CPM: variants seen among roughly 807,000 people sequenced by gnomAD.
CPM encodes carboxypeptidase M.
In CPM, 35 loss-of-function variants were observed where a neutral mutation model predicts 46.4. The ratio of observed to expected loss-of-function variants is 0.75; its 90% CI spans 0.58 to 1.00. The LOEUF is 1.00. CPM is among the 50% of genes least tolerant of loss of function. The pLI, the probability that CPM is intolerant of heterozygous loss-of-function variation, is 0.00. For missense variants in CPM, 422 were observed against 530.4 expected, an observed-to-expected ratio of 0.80 and a Z score of 2.01; for synonymous variants, 195 against 195.3, an observed-to-expected ratio of 1.00 and a Z score of 0.01.
intron 1 of CPM, among the ~76,000 whole-genome samples, chr12:68,958,833 C>T (rs1488630378): frequency 6.6e-6 from 1 of 152,218 alleles, no homozygotes; most frequent in Non-Finnish European, 1.5e-5. Flanking sequence ...CCTCTCATCC[C>T]TTGGTAACAC....
rs530777504 is a variant in CPM, at chr12:68,933,124, G to A, written c.-4+18C>T. 5.3e-5 allele frequency: 17 copies of A among 321,736 alleles called. No individual in the cohort carries two copies. The South Asian group carries it at 5.3e-4, about 10-fold the overall frequency. The allele number at this position is 321,736 out of a possible 1,614,324, so 19.9% of individuals were successfully genotyped here. On this transcript the variant is annotated intron_variant, in intron 1 of 8. Coordinates refer to ENST00000551568, the MANE Select transcript of CPM (RefSeq NM_198320.5). The stretch of plus-strand genomic sequence containing the variant: ...AGCTGCCACAGCTGCGCCCGGCCCC[G>A]CGCACCCCCAGCCTCACCAGGTCCC...
chr12:68,880,332 G>T (rs1162973033), intron 3 of CPM, among the ~76,000 whole-genome samples: 3 of 152,128 alleles, frequency 2.0e-5, no homozygotes, highest in African/African-American at 7.2e-5. Flanking sequence ...GGTGACAAAG[G>T]CTCACCACGA....
chr12:68,861,020 A>G (rs1406661846), intron 7 of CPM, among the ~76,000 whole-genome samples: 1 of 151,916 alleles, frequency 6.6e-6, no homozygotes, highest in East Asian at 1.9e-4. Flanking sequence ...AGGTGGGACT[A>G]CAGGCACACA....
chr12:68,861,034 C>T (rs1021908615), intron 7 of CPM, among the ~76,000 whole-genome samples: 1 of 151,892 alleles, frequency 6.6e-6, no homozygotes, highest in Non-Finnish European at 1.5e-5. Context: ...GCACACACCA[C>T]CACACCTGGC....
intron 2 of CPM, among the ~76,000 whole-genome samples, chr12:68,920,693 C>CTTTT (rs11391172): frequency 3.0e-5 from 4 of 131,816 alleles, no homozygotes; most frequent in African/African-American, 1.2e-4. Context: ...TTTTCTTTTT[C>CTTTT]TTTTTCTTTT....
chr12:68,940,006 G>A (rs1204322749), intron 1 of CPM, among the ~76,000 whole-genome samples: 4 of 150,342 alleles, frequency 2.7e-5, no homozygotes, highest in Non-Finnish European at 4.5e-5. Context: ...TTTTCCTTCT[G>A]GATTCATAGT....
chr12:68,896,555 T>C (rs992807520), intron 2 of CPM, among the ~76,000 whole-genome samples: 1 of 152,176 alleles, frequency 6.6e-6, no homozygotes, highest in Non-Finnish European at 1.5e-5. Context: ...TAGATGAAAC[T>C]GTTTTCCAGT....
downstream of CPM, among the ~76,000 whole-genome samples, chr12:68,850,992 G>A (rs73336455): frequency 0.069 from 10,474 of 152,024 alleles, 1,218 homozygotes; most frequent in African/African-American, 0.24. Flanking sequence ...TATAGCATAT[G>A]TAACTTGTTC....
chr12:68,942,773 TC>T (rs1055731548), intron 1 of CPM, among the ~76,000 whole-genome samples: 12 of 152,214 alleles, frequency 7.9e-5, no homozygotes, highest in African/African-American at 2.9e-4. Context: ...TTGTGTCTTA[TC>T]CCCTAGTGGT....
At chr12:68,891,313 A>G (rs966783104) in intron 2 of CPM, among the ~76,000 whole-genome samples, 11 of 152,256 alleles carry the variant, frequency 7.2e-5, no homozygotes, top group Non-Finnish European at 1.6e-4. Context: ...TTAAACACTC[A>G]TTCTCCAAAG....
At position 68,942,229 on chromosome 12, in the gene CPM, C is replaced by T. The variant is rs1888776839; in HGVS notation, c.-3-9389G>A. 3.9e-5 allele frequency among the ~76,000 whole-genome samples: 6 copies of T among 152,154 alleles called. No individual in the cohort carries two copies. In the South Asian group the frequency reaches 1.2e-3, roughly 32 times the overall value. ...GTTATGCAAGTTGTCTATCAAAAAC[C>T]AAACAGAGTAGTTCTTTTATTTTGG... is the stretch of plus-strand genomic sequence containing the variant. On this transcript the variant is annotated intron_variant, in intron 1 of 8. Transcript: ENST00000546373.
intron 3 of CPM, among the ~76,000 whole-genome samples, chr12:68,878,119 G>A (rs896138539): frequency 6.6e-6 from 1 of 152,162 alleles, no homozygotes; most frequent in Admixed American, 6.5e-5. Context: ...TTTTTCAAAA[G>A]TGAAACTGCC....
intron 2 of CPM, among the ~76,000 whole-genome samples, chr12:68,887,458 A>T (rs989779195): frequency 9.2e-5 from 14 of 152,190 alleles, no homozygotes; most frequent in Admixed American, 5.9e-4. Context: ...TATTTTCAAC[A>T]TTTATTCATA....
At chr12:68,943,546 A>T (rs1182747454) in intron 1 of CPM, among the ~76,000 whole-genome samples, 1 of 152,228 alleles carries the variant, frequency 6.6e-6, no homozygotes, top group Non-Finnish European at 1.5e-5. Context: ...AATTTGTGAT[A>T]ATTTACAATT....
chr12:68,850,916 T>C (rs956831165), downstream of CPM, among the ~76,000 whole-genome samples: 8 of 152,114 alleles, frequency 5.3e-5, no homozygotes, highest in African/African-American at 1.9e-4. Flanking sequence ...CATCATCTTG[T>C]CCATGGAACA....
At chr12:68,955,943 C>T (rs1340340396) in intron 1 of CPM, among the ~76,000 whole-genome samples, 2 of 152,078 alleles carry the variant, frequency 1.3e-5, no homozygotes, top group Non-Finnish European at 2.9e-5. Context: ...GGCTTCAGGC[C>T]GTCCCCAGCT....
chr12:68,894,777 G>C (rs150092245), intron 2 of CPM, among the ~76,000 whole-genome samples: 1 of 152,098 alleles, frequency 6.6e-6, no homozygotes, highest in African/African-American at 2.4e-5. Flanking sequence ...GCTCATGCCT[G>C]TAATCCCAGC....
At chr12:68,857,112 CCTACAAGCCTATTG>C (rs941113527) in intron 8 of CPM, among the ~76,000 whole-genome samples, 3 of 151,976 alleles carry the variant, frequency 2.0e-5, no homozygotes, top group African/African-American at 7.2e-5. Context: ...TTTCAGCTGA[CCTACAAGCCTATTG>C]CTTCTTTTAA....
intron 1 of CPM, among the ~76,000 whole-genome samples, chr12:68,944,908 C>T (rs1434368621): frequency 6.6e-6 from 1 of 151,912 alleles, no homozygotes; most frequent in Non-Finnish European, 1.5e-5. Context: ...AAAACTGTCC[C>T]AGTGAGCTGA....
Sources: allele counts gnomAD v4.1 joint callset (sites outside exome capture counted in the v4.1 genomes callset), GRCh38; gene constraint gnomAD v4.1.1; transcripts MANE v1.5; gene names NCBI Gene and HGNC (gene_info 2026-07-23, HGNC 2026-07-21).